DEFB124: variants seen among roughly 807,000 people sequenced by gnomAD.
DEFB124 encodes defensin beta 124, also known as beta-defensin 124.
For missense variants in DEFB124, 78 were observed against 83.1 expected, an observed-to-expected ratio of 0.94 and a Z score of 0.24; for synonymous variants, 38 against 36.5, an observed-to-expected ratio of 1.04 and a Z score of -0.15.
At chr20:31,470,949 G>A (rs1298263857) in intron 2 of DEFB124, among the ~76,000 whole-genome samples, 2 of 141,462 alleles carry the variant, frequency 1.4e-5, no homozygotes. Context: ...TTCCCAGTAG[G>A]GGCGGCTGGG....
intron 2 of DEFB124, among the ~76,000 whole-genome samples, chr20:31,470,799 C>G (rs1449715613): frequency 7.4e-6 from 1 of 134,974 alleles, no homozygotes; most frequent in Admixed American, 7.1e-5. Flanking sequence ...GCGCCCCTCA[C>G]CTCCCGGACG....
At chr20:31,466,896 A>G (rs1243980879) in intron 2 of DEFB124, among the ~76,000 whole-genome samples, 1 of 152,132 alleles carries the variant, frequency 6.6e-6, no homozygotes, top group East Asian at 1.9e-4. Flanking sequence ...ACGGAGCACT[A>G]GAAGTAGTAC....
intron 2 of DEFB124, 93 bp from the exon 3 acceptor site, chr20:31,465,756 G>T (rs1980067874): frequency 6.2e-6 from 9 of 1,457,826 alleles, no homozygotes; most frequent in Non-Finnish European, 8.4e-6. Flanking sequence ...ACTAACACTG[G>T]TCACAAGTTA....
rs1336477522 is a variant in DEFB124, at chr20:31,470,826, G to A, written c.58+2130C>T. ...TCCCGGACGGGGCGGCTGGCCGGGC[G>A]GGGTGCTGATCCCCCCACCTCCCTC... On this transcript the variant is annotated intron_variant, in intron 2 of 2. Coordinates refer to ENST00000317676, the MANE Select transcript of DEFB124 (RefSeq NM_001037500.2). 2.4e-3 allele frequency among the ~76,000 whole-genome samples: 336 copies of A among 138,746 alleles called. 1 individual carries two copies. Among genetic ancestry groups the A allele is most frequent in the African/African-American group, 7.8e-3 (289 of 36,842 alleles). 91.0% of individuals were successfully genotyped at this position (138,746 alleles called of 152,430 possible).
intron 2 of DEFB124, among the ~76,000 whole-genome samples, chr20:31,466,535 G>A (rs1189287264): frequency 2.0e-5 from 3 of 150,780 alleles, no homozygotes; most frequent in Non-Finnish European, 4.4e-5. Context: ...GGAAGGCGGA[G>A]GCTGCAGTGA....
chr20:31,471,449 G>T (rs1308878797), intron 2 of DEFB124, among the ~76,000 whole-genome samples: 11 of 106,282 alleles, frequency 1.0e-4, no homozygotes, highest in East Asian at 3.1e-4. Flanking sequence ...GCGGCTGGCC[G>T]GGCGGGGGAC....
chr20:31,473,813 G>A (rs556698889), intron 1 of DEFB124, among the ~76,000 whole-genome samples: 3 of 152,326 alleles, frequency 2.0e-5, no homozygotes, highest in African/African-American at 7.2e-5. Flanking sequence ...AGTCATAGAT[G>A]AGAGTATGGG....
chr20:31,470,427 G>A (rs1451722463), intron 2 of DEFB124, among the ~76,000 whole-genome samples: 673 of 127,800 alleles, frequency 5.3e-3, no homozygotes, highest in East Asian at 9.2e-3. Flanking sequence ...GCCGGGCGGG[G>A]GGCTGAGCCC....
At chr20:31,469,439 C>A (rs1980168526) in intron 2 of DEFB124, among the ~76,000 whole-genome samples, 1 of 146,450 alleles carries the variant, frequency 6.8e-6, no homozygotes, top group African/African-American at 2.5e-5. Context: ...AGAAACAAAT[C>A]TTTTTTTTTT....
At chr20:31,468,222 C>G (rs1443446384) in intron 2 of DEFB124, among the ~76,000 whole-genome samples, 1 of 152,222 alleles carries the variant, frequency 6.6e-6, no homozygotes, top group Non-Finnish European at 1.5e-5. Context: ...CTCCTTGCTG[C>G]TGTTCAAACC....
chr20:31,465,536 A>T lies in DEFB124; in HGVS notation c.186T>A (p.Pro62=). 1 of 1,614,190 alleles carries T rather than the reference A, an allele frequency of 6.2e-7. No individual in the cohort carries two copies. Among genetic ancestry groups the T allele is most frequent in the Non-Finnish European group, 8.5e-7 (1 of 1,180,036 alleles). Residue 62 remains proline, a synonymous_variant, in exon 3 of 3, where the codon CCT becomes CCA. Transcript: ENST00000317676. ...SLCCLSYALK[P]PPVPKHEYE ...CATATTCATGCTTGGGGACCGGTGGAGGTTTCAATGCATAGGAGAGACAGC... is the reference window on the plus strand; with the variant it reads ...CATATTCATGCTTGGGGACCGGTGGTGGTTTCAATGCATAGGAGAGACAGC...
At chr20:31,471,161 C>G (rs1389250708) in intron 2 of DEFB124, among the ~76,000 whole-genome samples, 1 of 133,742 alleles carries the variant, frequency 7.5e-6, no homozygotes, top group Non-Finnish European at 1.6e-5. Flanking sequence ...CCCTCCCGGA[C>G]GAGGCGGCTG....
chr20:31,468,281 T>A (rs951495823), intron 2 of DEFB124, among the ~76,000 whole-genome samples: 2 of 152,188 alleles, frequency 1.3e-5, no homozygotes, highest in Admixed American at 1.3e-4. Flanking sequence ...TCCCTCTACC[T>A]GGAACGATCT....
chr20:31,470,895 T>G (rs1320531816), intron 2 of DEFB124, among the ~76,000 whole-genome samples: 2 of 125,234 alleles, frequency 1.6e-5, no homozygotes, highest in Admixed American at 1.6e-4. Context: ...GCCCCCCACC[T>G]CCCTCCCGGA....
At position 31,465,723 on chromosome 20, in the gene DEFB124, G is replaced by A. The variant is rs571452150; in HGVS notation, c.59-60C>T. On this transcript the variant is annotated intron_variant, in intron 2 of 2. Coordinates refer to ENST00000317676, the MANE Select transcript of DEFB124 (RefSeq NM_001037500.2). ...CCATGGGTCACACGTTAGACCACTG[G>A]TCACAAGTTAGGCCACAGATTCACT... 7.0e-6 allele frequency: 11 copies of A among 1,580,960 alleles called. No individual in the cohort carries two copies. The East Asian group carries it at 2.2e-4, about 32-fold the overall frequency.
intron 1 of DEFB124, among the ~76,000 whole-genome samples, chr20:31,473,369 CT>C (rs1388366917): frequency 6.6e-6 from 1 of 152,176 alleles, no homozygotes; most frequent in Non-Finnish European, 1.5e-5. Context: ...CTCCCCCTAA[CT>C]GCTGTGAGAC....
At chr20:31,471,466 C>G (rs1488716026) in intron 2 of DEFB124, among the ~76,000 whole-genome samples, 5 of 130,668 alleles carry the variant, frequency 3.8e-5, no homozygotes, top group Non-Finnish European at 4.9e-5. Context: ...GGACTGACCC[C>G]CCCCACCTCC....
chr20:31,470,985 G>T (rs1236624079), intron 2 of DEFB124, among the ~76,000 whole-genome samples: 2 of 139,626 alleles, frequency 1.4e-5, no homozygotes, highest in African/African-American at 5.4e-5. Flanking sequence ...CTTCCCGGAC[G>T]GGGCGGCTGG....
chr20:31,469,601 A>C (rs28488792), intron 2 of DEFB124, among the ~76,000 whole-genome samples: 2,777 of 149,954 alleles, frequency 0.019, 59 homozygotes, highest in African/African-American at 0.065. Flanking sequence ...TGCGGCCTTC[A>C]GCAGTGTTTG....
Sources: allele counts gnomAD v4.1 joint callset (sites outside exome capture counted in the v4.1 genomes callset), GRCh38; gene constraint gnomAD v4.1.1; transcripts MANE v1.5; gene names NCBI Gene and HGNC (gene_info 2026-07-23, HGNC 2026-07-21).